Variants in BBS1 observed in about 807,000 individuals in gnomAD.
BBS1 encodes Bardet-Biedl syndrome 1.
BBS1 carries 60 observed loss-of-function variants against 73.9 expected under a neutral mutation model. The ratio of observed to expected loss-of-function variants is 0.81; its 90% CI spans 0.66 to 1.01. The LOEUF (loss-of-function observed/expected upper bound fraction) is 1.01. Among genes scored for constraint, BBS1 ranks in the 50% least tolerant of loss-of-function variants. The pLI, the probability that BBS1 is intolerant of heterozygous loss-of-function variation, is 0.00. For missense variants in BBS1, 718 were observed against 770.3 expected (o/e 0.93, Z 0.80); for synonymous variants, 283 against 317.4 (o/e 0.89, Z 1.15).
intron 3 of BBS1, among the ~76,000 whole-genome samples, chr11:66,514,128 C>G (rs916151770): frequency 6.6e-6 from 1 of 152,236 alleles, no homozygotes; most frequent in Admixed American, 6.5e-5. Flanking sequence ...AAAACATCAA[C>G]TGCCACTTAT....
intron 12 of BBS1, 98 bp downstream of exon 12, chr11:66,526,290 G>T: frequency 8.0e-7 from 1 of 1,248,042 alleles, no homozygotes; most frequent in East Asian, 2.4e-5. Context: ...AAGCATGGGT[G>T]GACCTGGGTG....
At position 66,532,166 on chromosome 11, in the gene BBS1, C is replaced by A; in HGVS notation, c.*129C>A. ...GCTCGTCTCCCCTCTCTTAAGCACC[C>A]GCTTCCTCACCACCCCCACTGTTGG... On this transcript the variant is annotated 3_prime_UTR_variant, in exon 17 of 17. Coordinates refer to ENST00000318312, the MANE Select transcript of BBS1 (RefSeq NM_024649.5). The A allele has an allele frequency of 1.0e-6, 1 of 972,018 alleles. No individual in the cohort carries two copies. The highest frequency in any genetic ancestry group is 1.5e-6 in the Non-Finnish European group (1 of 658,722). The allele number at this position is 972,018 out of a possible 1,614,324, so 60.2% of individuals were successfully genotyped here. A position where few individuals can be genotyped will look rare whatever the true frequency, so the allele number is the denominator to read the frequency against.
chr11:66,516,603 T>C (rs761644521), intron 7 of BBS1, among the ~76,000 whole-genome samples: 5 of 152,016 alleles, frequency 3.3e-5, no homozygotes, highest in Non-Finnish European at 7.4e-5. Context: ...CAGGCTGGAG[T>C]GCAGTGGTGT....
intron 2 of BBS1, 27 bp from the exon 3 acceptor site, chr11:66,511,176 ACT>A: frequency 2.5e-6 from 4 of 1,613,668 alleles, no homozygotes; most frequent in Non-Finnish European, 3.4e-6. Context: ...GGATTCTGAG[ACT>A]CTGGTTTTGG....
chr11:66,514,746 G>A (rs1479436329), intron 4 of BBS1, 68 bp downstream of exon 4: 1 of 1,581,200 alleles, frequency 6.3e-7, no homozygotes, highest in African/African-American at 1.3e-5. Flanking sequence ...AAGAGGGCTG[G>A]GCTCCTGGGA....
At chr11:66,529,399 T>C in intron 13 of BBS1, 1 of 1,237,274 alleles carries the variant, frequency 8.1e-7, no homozygotes, top group Non-Finnish European at 1.1e-6. Flanking sequence ...GGGTGCTCAC[T>C]AAGCTGCTGG....
chr11:66,516,346 G>C (rs1213167590), intron 7 of BBS1, among the ~76,000 whole-genome samples: 1 of 151,856 alleles, frequency 6.6e-6, no homozygotes, highest in African/African-American at 2.4e-5. Flanking sequence ...GGCTGGTCTC[G>C]AACTCCTGAC....
rs1382520569 is a variant in BBS1, at chr11:66,519,599, C to A, written c.592-18C>A. 19 of 1,613,330 alleles carry A rather than the reference C, an allele frequency of 1.2e-5. No homozygotes were observed. The highest frequency in any genetic ancestry group is 1.6e-5 in the Non-Finnish European group (19 of 1,179,758). ...GTGTGTGGAGGTTCCCTGGGTGACC[C>A]CTGGAGTCCTTCTGTAGACAGTCAT... On this transcript the variant is annotated intron_variant, in intron 7 of 16. Coordinates refer to ENST00000318312, the MANE Select transcript of BBS1 (RefSeq NM_024649.5).
At chr11:66,521,671 C>T (rs951164019) in intron 9 of BBS1, 9 of 379,132 alleles carry the variant, frequency 2.4e-5, no homozygotes, top group African/African-American at 6.4e-5. Context: ...TTTGGGAGGC[C>T]GAGGCAAGCG....
chr11:66,519,549 G>A (rs1009362846), intron 7 of BBS1, 68 bp from the exon 8 acceptor site: 3 of 1,606,270 alleles, frequency 1.9e-6, no homozygotes, highest in East Asian at 2.2e-5. Flanking sequence ...CCCTCATGTG[G>A]CATTCTGGGA....
rs535709601 is a variant in BBS1, at chr11:66,516,790, C to T, written c.591+857C>T. ...CAGGCTAGTCTTGAACTCCTGAACT[C>T]AAGCAGTCCTCCTACCTCAGCCTCC... is the stretch of plus-strand genomic sequence containing the variant. On this transcript the variant is annotated intron_variant, in intron 7 of 16. Transcript: ENST00000318312. Among the ~76,000 whole-genome samples, 11 of 152,258 alleles carry T rather than the reference C, an allele frequency of 7.2e-5. No homozygotes were observed. The South Asian group carries it at 1.2e-3, about 17-fold the overall frequency.
intron 13 of BBS1, among the ~76,000 whole-genome samples, chr11:66,528,023 G>T (rs534738741): frequency 8.5e-5 from 13 of 152,256 alleles, no homozygotes; most frequent in Admixed American, 7.2e-4. Context: ...CTGAGGTCAG[G>T]AGTTCGTGAC....
intron 7 of BBS1, among the ~76,000 whole-genome samples, chr11:66,516,475 AC>A (rs1856052773): frequency 6.6e-6 from 1 of 152,112 alleles, no homozygotes; most frequent in Non-Finnish European, 1.5e-5. Context: ...GGGAATAGTT[AC>A]CACTAATATT....
intron 3 of BBS1, among the ~76,000 whole-genome samples, chr11:66,511,860 A>G (rs1235633821): frequency 6.6e-6 from 1 of 151,638 alleles, no homozygotes; most frequent in Non-Finnish European, 1.5e-5. Flanking sequence ...TTAGCCGGGC[A>G]TGGTGATGGG....
chr11:66,525,034 AC>A (rs1432964811), intron 11 of BBS1, among the ~76,000 whole-genome samples: 1 of 152,124 alleles, frequency 6.6e-6, no homozygotes, highest in Non-Finnish European at 1.5e-5. Flanking sequence ...CCCCGTCTCT[AC>A]TAAAAATACA....
In BBS1 at chr11:66,524,205, G is replaced by C. The variant is rs934076445; in HGVS notation, c.1110+323G>C. On this transcript the variant is annotated intron_variant, in intron 11 of 16. Coordinates refer to ENST00000318312, the MANE Select transcript of BBS1 (RefSeq NM_024649.5). The stretch of plus-strand genomic sequence containing the variant: ...TGAGGTAGGAGAATCGCTTGAGCCT[G>C]GGAGGCGGAGGTTGCAGTGAGCCAA... The C allele has an allele frequency of 3.6e-4, 137 of 378,674 alleles. 1 individual carries two copies. The highest frequency in any genetic ancestry group is 8.9e-4 in the Middle Eastern group (1 of 1,128). 23.5% of individuals were successfully genotyped at this position (378,674 alleles called of 1,614,324 possible).
intron 4 of BBS1, 104 bp from the exon 5 acceptor site, chr11:66,515,436 A>G (rs1031499477): frequency 7.9e-7 from 1 of 1,272,976 alleles, no homozygotes; most frequent in Non-Finnish European, 1.1e-6. Flanking sequence ...GCAGGGAGGC[A>G]GAGACCAAGA....
intron 1 of BBS1, 34 bp downstream of exon 1, chr11:66,510,740 A>G (rs1565280065): frequency 6.2e-7 from 1 of 1,612,514 alleles, no homozygotes; most frequent in Non-Finnish European, 8.5e-7. Context: ...CTCTTTTCCC[A>G]CCCGTGTAAA....
intron 7 of BBS1, among the ~76,000 whole-genome samples, chr11:66,519,139 C>T (rs565417162): frequency 1.2e-4 from 19 of 152,128 alleles, no homozygotes; most frequent in Non-Finnish European, 2.5e-4. Context: ...AATCCCAGCA[C>T]TTTAGGGGGC....
Sources: gnomAD v4.1 joint callset for allele counts (sites outside exome capture counted in the v4.1 genomes callset) on GRCh38, gnomAD v4.1.1 for gene constraint, MANE v1.5 for transcripts, NCBI Gene and HGNC (gene_info 2026-07-23, HGNC 2026-07-21) for gene names.